Variants in IRX2 observed in about 807,000 individuals in gnomAD.
IRX2 encodes the protein iroquois homeobox 2.
IRX2 carries 26 observed loss-of-function variants against 42.9 expected under a neutral mutation model. That is an observed-to-expected ratio of 0.61 (90% CI 0.44 to 0.84). The LOEUF (loss-of-function observed/expected upper bound fraction) is 0.84. Ranked by LOEUF, IRX2 falls within the 40% of genes least tolerant of loss-of-function variation. The pLI, the probability that IRX2 is intolerant of heterozygous loss-of-function variation, is 0.00. For synonymous variants in IRX2, 424 were observed against 353.9 expected, an observed-to-expected ratio of 1.20 and a Z score of -2.22; for missense variants, 782 against 713.9, an observed-to-expected ratio of 1.10 and a Z score of -1.09.
chr5:2,748,430 C>A lies in IRX2; in HGVS notation c.1278G>T (p.Lys426Asn). ...APGEALHTAP[K>N]AASDAGKAGA... The stretch of plus-strand genomic sequence containing the variant: ...CCGCCTTGCCCGCGTCGCTGGCCGC[C>A]TTTGGCGCGGTGTGCAGGGCCTCGC... The change falls in exon 3 of 4, where the codon AAG becomes AAT. Residue 426 changes from lysine (K) to asparagine (N), a missense_variant. Physicochemically the swap from Lys to Asn is moderately conservative, Grantham distance 94 (BLOSUM62 0). Coordinates refer to ENST00000302057, the MANE Select transcript of IRX2 (RefSeq NM_033267.5). 6.5e-7 allele frequency: 1 copy of A among 1,545,960 alleles called. No individual in the cohort carries two copies. Among genetic ancestry groups the A allele is most frequent in the Non-Finnish European group, 8.7e-7 (1 of 1,151,828 alleles).
At chr5:2,740,181 GC>G in the IRX2 span, among the ~76,000 whole-genome samples, 11,774 of 145,022 alleles carry the variant, frequency 0.081, 1,340 homozygotes, top group African/African-American at 0.25. Flanking sequence ...GTCGTGGCGT[GC>G]GGGGGCGGGG....
At chr5:2,739,355 C>T in the IRX2 span, among the ~76,000 whole-genome samples, 1 of 152,200 alleles carries the variant, frequency 6.6e-6, no homozygotes, top group African/African-American at 2.4e-5. Context: ...CCTGGGGTCC[C>T]GTCGGTGTCC....
the IRX2 span, among the ~76,000 whole-genome samples, chr5:2,738,703 C>G: frequency 6.6e-6 from 1 of 152,046 alleles, no homozygotes; most frequent in Non-Finnish European, 1.5e-5. Context: ...CCATCTGACC[C>G]TCACCACCCC....
chr5:2,740,652 C>T, the IRX2 span, among the ~76,000 whole-genome samples: 2 of 152,262 alleles, frequency 1.3e-5, no homozygotes, highest in East Asian at 3.9e-4. Flanking sequence ...CTTGAGCCAG[C>T]TTCTGCCCCT....
Position 2,748,390 on chromosome 5 carries a change from C to G in IRX2, c.1318G>C (p.Glu440Gln), listed in dbSNP as rs1225468738. Reference protein sequence around the residue: ...DAGKAGAHPLESHYRSPGGGY... With the variant: ...DAGKAGAHPLQSHYRSPGGGY... ...CCGCCCGGGGACCGGTAGTGGGACT[C>G]GAGCGGGTGCGCGCCCGCCTTGCCC... The change falls in exon 3 of 4, where the codon GAG (glutamate) becomes CAG (glutamine). Residue 440 changes from glutamate (E) to glutamine (Q), a missense_variant. Transcript: ENST00000302057. 2 of 1,479,696 alleles carry G rather than the reference C, an allele frequency of 1.4e-6. No homozygotes were observed. Among genetic ancestry groups the G allele is most frequent in the African/African-American group, 1.5e-5 (1 of 68,298 alleles). 91.7% of individuals were successfully genotyped at this position (1,479,696 alleles called of 1,614,324 possible). A position where few individuals can be genotyped will look rare whatever the true frequency, so the allele number is the denominator to read the frequency against.
chr5:2,742,521 G>T (rs1737565644), downstream of IRX2, among the ~76,000 whole-genome samples: 1 of 152,128 alleles, frequency 6.6e-6, no homozygotes. Flanking sequence ...GTTGTGTATT[G>T]TTCCCAAGAT....
downstream of IRX2, among the ~76,000 whole-genome samples, chr5:2,741,123 G>A (rs549922899): frequency 3.0e-4 from 46 of 152,378 alleles, no homozygotes; most frequent in African/African-American, 1.0e-3. Flanking sequence ...CCGCAACGCC[G>A]CTATTAGTAA....
In IRX2 at chr5:2,748,942, A is replaced by G. The variant is rs1363768572; in HGVS notation, c.766T>C (p.Cys256Arg). 6.3e-7 allele frequency: 1 copy of G among 1,596,130 alleles called. No homozygotes were observed. Among genetic ancestry groups the G allele is most frequent in the Admixed American group, 1.7e-5 (1 of 59,856 alleles). ...TCCAGGTCGTCATACTTGTCCTTGC[A>G]CTCCGAGCCCGATTCGCACAGGGGG... is the stretch of plus-strand genomic sequence containing the variant. Reference protein sequence around the residue: ...GDPLCESGSECKDKYDDLEDD... With the variant: ...GDPLCESGSERKDKYDDLEDD... The change falls in exon 3 of 4, where the codon TGC (cysteine) becomes CGC (arginine). Residue 256 changes from cysteine (C) to arginine (R), a missense_variant. Physicochemically the swap from Cys to Arg is radical, Grantham distance 180 (BLOSUM62 -3). Transcript: ENST00000302057.
chr5:2,738,591 C>T, the IRX2 span, among the ~76,000 whole-genome samples: 30 of 152,122 alleles, frequency 2.0e-4, no homozygotes, highest in Non-Finnish European at 4.4e-4. Context: ...CCTTCACCCT[C>T]TCTCCACCAG....
chr5:2,743,460 A>C (rs1737587417), downstream of IRX2, among the ~76,000 whole-genome samples: 1 of 151,726 alleles, frequency 6.6e-6, no homozygotes, highest in South Asian at 2.1e-4. Context: ...AATTCCGATA[A>C]ATCAGCTCTA....
In IRX2 at chr5:2,751,305, C is replaced by A; in HGVS notation, c.109G>T (p.Ala37Ser). The A allele has an allele frequency of 7.0e-7, 1 of 1,436,780 alleles. No homozygotes were observed. Among genetic ancestry groups the A allele is most frequent in the Non-Finnish European group, 9.1e-7 (1 of 1,095,424 alleles). 89.0% of individuals were successfully genotyped at this position (1,436,780 alleles called of 1,614,324 possible). A position where few individuals can be genotyped will look rare whatever the true frequency, so the allele number is the denominator to read the frequency against. ...AACGCCGAGCCCGACGCCGAGCGCG[C>A]CAGCTCCTCGCTGCGCGGAGCCGCC... ...ALAAPRSEEL[A>S]RSASGSAFSP... Residue 37 changes from alanine (A) to serine (S), a missense_variant, in exon 1 of 4, where the codon GCG becomes TCG. Transcript: ENST00000302057. The surrounding 1 kb of genome is among the most constrained non-coding windows in gnomAD (Gnocchi z 4.0).
At position 2,749,417 on chromosome 5, in the gene IRX2, G is replaced by A; in HGVS notation, c.620C>T (p.Ala207Val). Reference sequence around the variant, plus strand: ...TGCCGAGGTCTCCGTGCCCTCCTGCGCCTTGTCGGGACTCTCGTCCTTGCT... The same window carrying A: ...TGCCGAGGTCTCCGTGCCCTCCTGCACCTTGTCGGGACTCTCGTCCTTGCT... The part of the protein sequence containing the change: ...TRSKDESPDK[A>V]QEGTETSAED... The change falls in exon 2 of 4, where the codon GCG becomes GTG. Residue 207 changes from alanine to valine, a missense_variant. This residue lies in a region of IRX2 where 520 missense variants were observed against 437.8 expected (regional missense o/e 1.19). Transcript: ENST00000302057. The A allele has an allele frequency of 1.2e-6, 2 of 1,614,008 alleles. No individual in the cohort carries two copies. The highest frequency in any genetic ancestry group is 1.1e-5 in the South Asian group (1 of 91,074).
intron 2 of IRX2, 27 bp from the exon 3 acceptor site, chr5:2,749,079 G>A: frequency 6.3e-7 from 1 of 1,590,816 alleles, no homozygotes; most frequent in Non-Finnish European, 8.5e-7. Flanking sequence ...ACGGTGGGTG[G>A]CACGAGGGGA....
Position 2,748,554 on chromosome 5 carries a change from G to A in IRX2, c.1154C>T (p.Thr385Met), listed in dbSNP as rs1737776707. Residue 385 changes from threonine (T) to methionine (M), a missense_variant, in exon 3 of 4, where the codon ACG becomes ATG. This residue lies in a region of IRX2 where 520 missense variants were observed against 437.8 expected (regional missense o/e 1.19). Coordinates refer to ENST00000302057, the MANE Select transcript of IRX2 (RefSeq NM_033267.5). Reference sequence around the variant, plus strand: ...TGTGTAGTTGCCGTAGAAGGGCGACGTGTAGTAGAGGGGGCGGCCCAGCAG... The same window carrying A: ...TGTGTAGTTGCCGTAGAAGGGCGACATGTAGTAGAGGGGGCGGCCCAGCAG... ...SPLLGRPLYY[T>M]SPFYGNYTNY... 1.9e-6 allele frequency: 3 copies of A among 1,572,382 alleles called. No homozygotes were observed. The African/African-American group carries it at 4.2e-5, about 22-fold the overall frequency.
downstream of IRX2, among the ~76,000 whole-genome samples, chr5:2,745,012 TAG>T (rs1260445187): frequency 6.6e-6 from 1 of 152,148 alleles, no homozygotes; most frequent in Non-Finnish European, 1.5e-5. Flanking sequence ...AAAAAGCCAC[TAG>T]AGAGAGATCC....
At chr5:2,749,098 G>C (rs1314301684) in intron 2 of IRX2, 46 bp from the exon 3 acceptor site, 23 of 1,576,620 alleles carry the variant, frequency 1.5e-5, no homozygotes, top group Non-Finnish European at 1.7e-5. Flanking sequence ...GACAGCGCAG[G>C]CACCTGGAGC....
Position 2,749,408 on chromosome 5 carries a change from C to CCCT in IRX2, c.626_628dup (p.Glu209dup), listed in dbSNP as rs765072429. On this transcript the variant is annotated inframe_insertion, in exon 2 of 4. Coordinates refer to ENST00000302057, the MANE Select transcript of IRX2 (RefSeq NM_033267.5). The stretch of plus-strand genomic sequence containing the variant: ...TTCGTCCTCTGCCGAGGTCTCCGTG[C>CCCT]CCTCCTGCGCCTTGTCGGGACTCTC... The CCCT allele has an allele frequency of 6.2e-7, 1 of 1,613,030 alleles. No homozygotes were observed. The highest frequency in any genetic ancestry group is 8.5e-7 in the Non-Finnish European group (1 of 1,179,624).
At position 2,748,405 on chromosome 5, in the gene IRX2, C is replaced by A. The variant is rs1737762010; in HGVS notation, c.1303G>T (p.Gly435Cys). ...TAGTGGGACTCGAGCGGGTGCGCGC[C>A]CGCCTTGCCCGCGTCGCTGGCCGCC... ...PKAASDAGKA[G>C]AHPLESHYRS... is the part of the protein sequence containing the mutation. The change falls in exon 3 of 4, where the codon GGC becomes TGC. Residue 435 changes from glycine to cysteine, a missense_variant. This residue lies in a region of IRX2 where 520 missense variants were observed against 437.8 expected (regional missense o/e 1.19). Coordinates refer to ENST00000302057, the MANE Select transcript of IRX2 (RefSeq NM_033267.5). The A allele has an allele frequency of 6.7e-7, 1 of 1,489,912 alleles. No individual in the cohort carries two copies. Among genetic ancestry groups the A allele is most frequent in the Non-Finnish European group, 8.9e-7 (1 of 1,124,758 alleles). The allele number at this position is 1,489,912 out of a possible 1,614,324, so 92.3% of individuals were successfully genotyped here. A position where few individuals can be genotyped will look rare whatever the true frequency, so the allele number is the denominator to read the frequency against.
chr5:2,740,474 T>G, the IRX2 span, among the ~76,000 whole-genome samples: 1 of 152,040 alleles, frequency 6.6e-6, no homozygotes, highest in South Asian at 2.1e-4. Context: ...GCGCCGCGCT[T>G]GGGGAGACTG....
Sources: allele counts gnomAD v4.1 joint callset (sites outside exome capture counted in the v4.1 genomes callset), GRCh38; gene constraint gnomAD v4.1.1; regional missense constraint gnomAD v4.1.1; non-coding constraint Gnocchi (gnomAD v3.1); transcripts MANE v1.5; gene names NCBI Gene and HGNC (gene_info 2026-07-23, HGNC 2026-07-21).